FBXO11: variants seen among roughly 807,000 people sequenced by gnomAD.
The protein encoded by FBXO11 is F-box protein 11.
A neutral mutation model predicts 117.0 loss-of-function variants in FBXO11; 13 were observed. The observed-to-expected ratio is 0.11, with a 90% CI of 0.07 to 0.18. The LOEUF is 0.18. Ranked by LOEUF, FBXO11 falls within the 10% of genes least tolerant of loss-of-function variation. FBXO11 has a pLI of 1.00. For missense variants in FBXO11, 767 were observed against 1,164.4 expected, an observed-to-expected ratio of 0.66 and a Z score of 4.97; for synonymous variants, 490 against 380.5, an observed-to-expected ratio of 1.29 and a Z score of -3.35.
chr2:47,863,036 C>T (rs537154951), intron 1 of FBXO11, among the ~76,000 whole-genome samples: 2 of 127,772 alleles, frequency 1.6e-5, no homozygotes, highest in South Asian at 5.3e-4. Context: ...GCCTGGGTGA[C>T]AAGCGTAAAA....
chr2:47,902,014 C>G (rs1189331664), intron 1 of FBXO11, among the ~76,000 whole-genome samples: 1 of 152,250 alleles, frequency 6.6e-6, no homozygotes, highest in Non-Finnish European at 1.5e-5. Context: ...CAGCTCACTA[C>G]AACCTCAGCC....
intron 1 of FBXO11, among the ~76,000 whole-genome samples, chr2:47,889,982 A>T (rs895469273): frequency 1.3e-5 from 2 of 152,224 alleles, no homozygotes; most frequent in African/African-American, 4.8e-5. Flanking sequence ...TTTATGCTAC[A>T]GTCGCAAACT....
At chr2:47,855,464 C>T (rs1674214957) in intron 1 of FBXO11, among the ~76,000 whole-genome samples, 1 of 152,014 alleles carries the variant, frequency 6.6e-6, no homozygotes, top group South Asian at 2.1e-4. Flanking sequence ...AGATATAAAC[C>T]CCTACAACAA....
intron 1 of FBXO11, among the ~76,000 whole-genome samples, chr2:47,840,733 C>T (rs900901628): frequency 1.3e-5 from 2 of 151,474 alleles, no homozygotes; most frequent in Non-Finnish European, 2.9e-5. Context: ...CAACAGAGCA[C>T]GGCTGCAGTG....
At chr2:47,872,481 G>A (rs1473988817) in intron 1 of FBXO11, among the ~76,000 whole-genome samples, 1 of 152,094 alleles carries the variant, frequency 6.6e-6, no homozygotes, top group Non-Finnish European at 1.5e-5. Context: ...GCGCCACCAT[G>A]CCTGCCTAAT....
intron 17 of FBXO11, 122 bp downstream of exon 17, chr2:47,813,669 G>C: frequency 2.7e-6 from 2 of 731,536 alleles, no homozygotes; most frequent in Non-Finnish European, 2.3e-6. Flanking sequence ...CTGACCTCGG[G>C]TGATCCACCC....
intron 1 of FBXO11, among the ~76,000 whole-genome samples, chr2:47,845,286 A>T (rs1459030894): frequency 1.3e-5 from 2 of 152,234 alleles, no homozygotes; most frequent in East Asian, 1.9e-4. Context: ...TACAGCAAAT[A>T]AATTCAAGAA....
intron 1 of FBXO11, among the ~76,000 whole-genome samples, chr2:47,903,824 AG>A (rs1293920539): frequency 6.6e-6 from 1 of 152,238 alleles, no homozygotes; most frequent in Non-Finnish European, 1.5e-5. Context: ...TTCTGGAAGA[AG>A]AACATTATTT....
intron 1 of FBXO11, among the ~76,000 whole-genome samples, chr2:47,847,796 G>A (rs1430848146): frequency 2.0e-5 from 3 of 151,904 alleles, no homozygotes; most frequent in Non-Finnish European, 4.4e-5. Context: ...TATGTGGTGC[G>A]TGACTGTGTT....
chr2:47,864,044 C>T (rs1330860917), intron 1 of FBXO11, among the ~76,000 whole-genome samples: 1 of 151,970 alleles, frequency 6.6e-6, no homozygotes, highest in African/African-American at 2.4e-5. Flanking sequence ...TACAATACGG[C>T]ATATGTGCTG....
At chr2:47,893,481 A>T (rs1018444351) in intron 1 of FBXO11, among the ~76,000 whole-genome samples, 3 of 152,208 alleles carry the variant, frequency 2.0e-5, no homozygotes, top group African/African-American at 7.2e-5. Flanking sequence ...ATAAATTATT[A>T]ATCTATTCAA....
In FBXO11 at chr2:47,832,489, A is replaced by G. The variant is rs752291483; in HGVS notation, c.1261-3T>C. 2.5e-6 allele frequency: 4 copies of G among 1,611,444 alleles called. No individual in the cohort carries two copies. Among genetic ancestry groups the G allele is most frequent in the African/African-American group, 2.7e-5 (2 of 74,896 alleles). The stretch of plus-strand genomic sequence containing the variant: ...ATTTCATTATCCTCATATATTCCCT[A>G]CAACAAGTTATCAGAAACAAACATC... On this transcript the variant is annotated splice_polypyrimidine_tract_variant and splice_region_variant and intron_variant, in intron 10 of 22. Transcript: ENST00000403359.
At chr2:47,904,566 A>ACGCG (rs1255813395) in intron 1 of FBXO11, among the ~76,000 whole-genome samples, 7 of 144,844 alleles carry the variant, frequency 4.8e-5, no homozygotes, top group Non-Finnish European at 7.5e-5. Context: ...CAACACACAC[A>ACGCG]CGCGCGCGCG....
chr2:47,841,022 C>T (rs1311743324), intron 1 of FBXO11, among the ~76,000 whole-genome samples: 1 of 151,900 alleles, frequency 6.6e-6, no homozygotes, highest in South Asian at 2.1e-4. Context: ...CACAGTGAAA[C>T]CCCATCTCTA....
At position 47,841,298 on chromosome 2, in the gene FBXO11, A is replaced by C. The variant is rs143980677; in HGVS notation, c.233-1529T>G. ...CATAAACTGAATCACCAGGTAGCAA[A>C]GTATTAGATGAGGGGAAGCTTCTCT... On this transcript the variant is annotated intron_variant, in intron 1 of 22. Transcript: ENST00000403359. Among the ~76,000 whole-genome samples the C allele has an allele frequency of 2.9e-4, 44 of 152,344 alleles. No homozygotes were observed. In the East Asian group the frequency reaches 8.1e-3, roughly 28 times the overall value.
intron 19 of FBXO11, chr2:47,810,027 T>G (rs755819064): frequency 2.0e-6 from 1 of 491,746 alleles, no homozygotes; most frequent in Non-Finnish European, 3.6e-6. Flanking sequence ...ATCTGAGGAA[T>G]TGAATCTATC....
intron 1 of FBXO11, among the ~76,000 whole-genome samples, chr2:47,851,991 T>A (rs1000758560): frequency 2.9e-5 from 4 of 136,462 alleles, no homozygotes; most frequent in Non-Finnish European, 6.1e-5. Flanking sequence ...AGCAACCAAT[T>A]TTTTTTTTTT....
intron 11 of FBXO11, among the ~76,000 whole-genome samples, chr2:47,831,208 G>A (rs954163233): frequency 2.6e-5 from 4 of 151,906 alleles, no homozygotes; most frequent in African/African-American, 9.6e-5. Flanking sequence ...CTTGAGGCCA[G>A]GAGTTCAAGC....
At chr2:47,813,429 T>TTTTTTTTTTTG in intron 17 of FBXO11, 52 bp from the exon 18 acceptor site, 1 of 850,740 alleles carries the variant, frequency 1.2e-6, no homozygotes, top group Non-Finnish European at 1.6e-6. Flanking sequence ...TTTTTAATTT[T>TTTTTTTTTTTG]TTTTTTTTTT....
Sources: gnomAD v4.1 joint callset for allele counts (sites outside exome capture counted in the v4.1 genomes callset) on GRCh38, gnomAD v4.1.1 for gene constraint, MANE v1.5 for transcripts, NCBI Gene and HGNC (gene_info 2026-07-23, HGNC 2026-07-21) for gene names.